SLC12A1: variants seen among roughly 807,000 people sequenced by gnomAD.
SLC12A1 encodes the protein solute carrier family 12 member 1.
SLC12A1 carries 89 observed loss-of-function variants against 130.4 expected under a neutral mutation model. That is an observed-to-expected ratio of 0.68 (90% CI 0.58 to 0.81). The LOEUF is 0.81. Among genes scored for constraint, SLC12A1 ranks in the 40% least tolerant of loss-of-function variants. The probability of loss-of-function intolerance (pLI) is 0.00; values close to 1 mark genes in which losing one functional copy is unlikely to be tolerated. For synonymous variants in SLC12A1, 499 were observed against 460.0 expected (o/e 1.08, Z -1.09); for missense variants, 1,310 against 1,336.4 (o/e 0.98, Z 0.31).
intron 6 of SLC12A1, 104 bp from the exon 7 acceptor site, chr15:48,230,288 GC>G: frequency 1.5e-6 from 1 of 675,472 alleles, no homozygotes; most frequent in Non-Finnish European, 2.6e-6. Context: ...ATCCTATATG[GC>G]CCCAGGTGTA....
At chr15:48,227,260 A>G (rs1210596131) in intron 5 of SLC12A1, 44 of 995,198 alleles carry the variant, frequency 4.4e-5, no homozygotes, top group Non-Finnish European at 6.0e-5. Flanking sequence ...AAAGTAACAT[A>G]TTGCTAATTA....
chr15:48,275,617 G>A (rs2041944169), intron 20 of SLC12A1, among the ~76,000 whole-genome samples: 2 of 152,164 alleles, frequency 1.3e-5, no homozygotes, highest in Non-Finnish European at 2.9e-5. Context: ...AAAGTAAGGA[G>A]ACAGTTTGGA....
rs2041205512 is a variant in SLC12A1 at position 48,220,945 on chromosome 15, G to A, written c.577G>A (p.Gly193Arg). ...VLVRCMLNIW[G>R]VMLFIRLSWI... ...GGTAAGATGCATGCTGAACATCTGG[G>A]GAGTCATGCTCTTCATTCGCCTCTC... Residue 193 changes from glycine (G) to arginine (R), a missense_variant, in exon 4 of 27, where the codon GGA becomes AGA. Transcript: ENST00000380993. 6.2e-7 allele frequency: 1 copy of A among 1,613,948 alleles called. No individual in the cohort carries two copies. The highest frequency in any genetic ancestry group is 1.1e-5 in the South Asian group (1 of 91,074).
chr15:48,263,737 A>T (rs2041800973), intron 17 of SLC12A1, among the ~76,000 whole-genome samples: 1 of 152,060 alleles, frequency 6.6e-6, no homozygotes, highest in Non-Finnish European at 1.5e-5. Flanking sequence ...CTGTCACTTA[A>T]GCTGGAGTAC....
chr15:48,273,928 T>A (rs887221816), intron 19 of SLC12A1, among the ~76,000 whole-genome samples: 1 of 152,212 alleles, frequency 6.6e-6, no homozygotes, highest in Non-Finnish European at 1.5e-5. Context: ...AAAACATTTA[T>A]CTCTTAAACT....
At chr15:48,245,154 C>T (rs145816886) in intron 11 of SLC12A1, among the ~76,000 whole-genome samples, 1 of 152,320 alleles carries the variant, frequency 6.6e-6, no homozygotes, top group East Asian at 1.9e-4. Flanking sequence ...CATCTCCTGG[C>T]ACTATGTGTG....
At chr15:48,235,709 T>C (rs1339385556) in intron 9 of SLC12A1, among the ~76,000 whole-genome samples, 3 of 152,068 alleles carry the variant, frequency 2.0e-5, no homozygotes, top group African/African-American at 7.2e-5. Flanking sequence ...CATAAATAAA[T>C]AAATAAAAAT....
intron 25 of SLC12A1, among the ~76,000 whole-genome samples, chr15:48,301,035 T>C (rs1174942992): frequency 6.6e-6 from 1 of 152,108 alleles, no homozygotes; most frequent in African/African-American, 2.4e-5. Flanking sequence ...AGAAAACACC[T>C]TCTTTTTAGT....
chr15:48,291,070 T>C (rs1421558999), intron 23 of SLC12A1, among the ~76,000 whole-genome samples: 1 of 151,676 alleles, frequency 6.6e-6, no homozygotes, highest in African/African-American at 2.4e-5. Context: ...AGTAGATAGG[T>C]AGATAGAGAT....
rs1555383559 is a variant in SLC12A1 at position 48,250,674 on chromosome 15, C to CACACACACACACACACACACACACACA, written c.1787-941_1787-940insACACACACACACACACACACACACACA. ...GATACACAAACCCAGAAAATGTCTG[C>CACACACACACACACACACACACACACA]CTCACACACACACACACACACACAC... On this transcript the variant is annotated intron_variant, in intron 14 of 26. Coordinates refer to ENST00000380993, the MANE Select transcript of SLC12A1 (RefSeq NM_000338.3). Among the ~76,000 whole-genome samples the CACACACACACACACACACACACACACA allele has an allele frequency of 1.3e-3, 74 of 56,164 alleles. 2 individuals are homozygous for CACACACACACACACACACACACACACA. The highest frequency in any genetic ancestry group is 9.2e-3 in the East Asian group (16 of 1,730). The allele number at this position is 56,164 out of a possible 152,430, so 36.8% of individuals were successfully genotyped here.
intron 15 of SLC12A1, 87 bp from the exon 16 acceptor site, chr15:48,255,724 C>A: frequency 1.2e-6 from 1 of 847,100 alleles, no homozygotes; most frequent in Non-Finnish European, 1.9e-6. Context: ...CAAGGAAAAT[C>A]ATAGAAGGGA....
chr15:48,271,449 G>T (rs1049316717), intron 19 of SLC12A1, among the ~76,000 whole-genome samples: 3 of 152,126 alleles, frequency 2.0e-5, no homozygotes, highest in Non-Finnish European at 4.4e-5. Flanking sequence ...AGGAAAACAA[G>T]TATACGCTTA....
rs1346861859 is a variant in SLC12A1 at position 48,301,392 on chromosome 15, A to T, written c.3164+10A>T. ...CTAATCTCATTGTCCTGTAAGTATC[A>T]TTGCAAGCATTGAAGAACATTAGAA... On this transcript the variant is annotated intron_variant, in intron 26 of 26. Transcript: ENST00000380993. 1 of 1,549,046 alleles carries T rather than the reference A, an allele frequency of 6.5e-7. No individual in the cohort carries two copies. The highest frequency in any genetic ancestry group is 1.8e-5 in the Admixed American group (1 of 54,196).
rs186539946 is a variant in SLC12A1, at chr15:48,268,007, G to T, written c.2295+306G>T. Among the ~76,000 whole-genome samples the T allele has an allele frequency of 7.8e-4, 118 of 152,234 alleles. 1 individual carries two copies. Among genetic ancestry groups the T allele is most frequent in the African/African-American group, 2.5e-3 (105 of 41,548 alleles). On this transcript the variant is annotated intron_variant, in intron 18 of 26. Coordinates refer to ENST00000380993, the MANE Select transcript of SLC12A1 (RefSeq NM_000338.3). ...TGTTCTGGTGGTTGACGACATTCAG[G>T]ATCCTATTGAAACTTCAAACTATTT...
chr15:48,241,853 G>A (rs1219729821), intron 10 of SLC12A1, among the ~76,000 whole-genome samples: 1 of 152,062 alleles, frequency 6.6e-6, no homozygotes, highest in African/African-American at 2.4e-5. Context: ...ACACAAAGAG[G>A]GTCCCATTTT....
chr15:48,272,318 T>G (rs1248353918), intron 19 of SLC12A1, among the ~76,000 whole-genome samples: 1 of 152,254 alleles, frequency 6.6e-6, no homozygotes, highest in Non-Finnish European at 1.5e-5. Context: ...ACAGTATTAT[T>G]GTTAACACAG....
At chr15:48,262,664 C>T (rs998048795) in intron 17 of SLC12A1, among the ~76,000 whole-genome samples, 1 of 152,114 alleles carries the variant, frequency 6.6e-6, no homozygotes, top group African/African-American at 2.4e-5. Context: ...AAAATACTGT[C>T]TATTCTTCTC....
At position 48,207,843 on chromosome 15, in the gene SLC12A1, C is replaced by A; in HGVS notation, c.124C>A (p.Pro42Thr). The A allele has an allele frequency of 6.2e-7, 1 of 1,613,942 alleles. No individual in the cohort carries two copies. The highest frequency in any genetic ancestry group is 8.5e-7 in the Non-Finnish European group (1 of 1,179,896). The change falls in exon 2 of 27, where the codon CCA (proline) becomes ACA (threonine). Residue 42 changes from proline to threonine, a missense_variant. Pro to Thr is a conservative substitution (Grantham distance 38, BLOSUM62 -1). Transcript: ENST00000380993. ...SSAAADDNTD[P>T]PHYEETSFGD... ...TGCAGCTGCAGATGACAATACTGAC[C>A]CACCACATTATGAAGAAACCTCTTT...
chr15:48,244,833 T>G lies in SLC12A1; in HGVS notation c.1381T>G (p.Cys461Gly). The G allele has an allele frequency of 6.2e-7, 1 of 1,613,846 alleles. No homozygotes were observed. Among genetic ancestry groups the G allele is most frequent in the Non-Finnish European group, 8.5e-7 (1 of 1,179,788 alleles). The change falls in exon 11 of 27, where the codon TGT (cysteine) becomes GGT (glycine). Residue 461 changes from cysteine (C) to glycine (G), a missense_variant. Coordinates refer to ENST00000380993, the MANE Select transcript of SLC12A1 (RefSeq NM_000338.3). ...GATGAACTGCAATGGTTCAGCAGCA[T>G]GTGGGTTGGGCTATGACTTCTCAAG... ...SGMNCNGSAA[C>G]GLGYDFSRCR...
Sources: gnomAD v4.1 joint callset for allele counts (sites outside exome capture counted in the v4.1 genomes callset) on GRCh38, gnomAD v4.1.1 for gene constraint, MANE v1.5 for transcripts, NCBI Gene and HGNC (gene_info 2026-07-23, HGNC 2026-07-21) for gene names.